Variants in SLC16A1 observed in about 807,000 individuals in gnomAD.
SLC16A1 encodes the protein solute carrier family 16 member 1.
SLC16A1 carries 11 observed loss-of-function variants against 32.2 expected under a neutral mutation model. The observed-to-expected ratio is 0.34, with a 90% CI of 0.21 to 0.56. SLC16A1 has a LOEUF of 0.56. Ranked by LOEUF, SLC16A1 falls within the 20% of genes least tolerant of loss-of-function variation. SLC16A1 has a pLI of 0.87. For synonymous variants in SLC16A1, 231 were observed against 226.8 expected, an observed-to-expected ratio of 1.02 and a Z score of -0.17; for missense variants, 435 against 615.0, an observed-to-expected ratio of 0.71 and a Z score of 3.10.
chr1:112,936,930 T>G (rs1409582554), intron 1 of SLC16A1, among the ~76,000 whole-genome samples: 2 of 152,218 alleles, frequency 1.3e-5, no homozygotes, highest in Non-Finnish European at 2.9e-5. Flanking sequence ...ATTTACAAGT[T>G]AAGGTTTCCT....
intron 1 of SLC16A1, among the ~76,000 whole-genome samples, chr1:112,933,268 G>A (rs1392481967): frequency 6.6e-6 from 1 of 151,988 alleles, no homozygotes; most frequent in Non-Finnish European, 1.5e-5. Context: ...AGGAGTTTGA[G>A]ATCAACCTGG....
At chr1:112,941,937 T>C (rs1649525712) in intron 1 of SLC16A1, among the ~76,000 whole-genome samples, 1 of 152,046 alleles carries the variant, frequency 6.6e-6, no homozygotes, top group Non-Finnish European at 1.5e-5. Context: ...CCAGCCTTTC[T>C]GACACCTCTC....
chr1:112,945,279 G>A (rs1649658857), intron 1 of SLC16A1, among the ~76,000 whole-genome samples: 1 of 151,830 alleles, frequency 6.6e-6, no homozygotes, highest in African/African-American at 2.4e-5. Context: ...ATAGGCATAA[G>A]CCACTGTGCC....
At chr1:112,951,597 A>G (rs1649899850) in intron 1 of SLC16A1, among the ~76,000 whole-genome samples, 1 of 152,210 alleles carries the variant, frequency 6.6e-6, no homozygotes, top group Admixed American at 6.5e-5. Context: ...TATTCTCTAA[A>G]AGCTGTGGGA....
At chr1:112,952,852 T>C (rs574306252) in intron 1 of SLC16A1, among the ~76,000 whole-genome samples, 279 of 152,340 alleles carry the variant, frequency 1.8e-3, no homozygotes, top group African/African-American at 6.5e-3. Context: ...CACACAACTT[T>C]TTAGTGTCCC....
intron 2 of SLC16A1, among the ~76,000 whole-genome samples, chr1:112,926,622 C>A (rs577534106): frequency 6.6e-5 from 10 of 152,110 alleles, no homozygotes; most frequent in Non-Finnish European, 1.2e-4. Flanking sequence ...GCCTGTAATC[C>A]CAGCACTTTG....
At chr1:112,920,329 C>T (rs977784398) in intron 3 of SLC16A1, among the ~76,000 whole-genome samples, 3 of 151,812 alleles carry the variant, frequency 2.0e-5, no homozygotes, top group Admixed American at 1.3e-4. Context: ...AAAAATTGGC[C>T]AGGTGCAGTG....
chr1:112,948,735 T>G (rs1649786857), intron 1 of SLC16A1, among the ~76,000 whole-genome samples: 1 of 152,152 alleles, frequency 6.6e-6, no homozygotes, highest in Non-Finnish European at 1.5e-5. Context: ...ACTCCTGACC[T>G]CAGGTGTTCT....
intron 1 of SLC16A1, among the ~76,000 whole-genome samples, chr1:112,948,424 A>G (rs1307765702): frequency 2.6e-5 from 4 of 152,192 alleles, no homozygotes; most frequent in African/African-American, 9.6e-5. Flanking sequence ...ATCTTAGACT[A>G]TGCTGCCATT....
chr1:112,919,376 A>AT (rs1648636159), intron 3 of SLC16A1, among the ~76,000 whole-genome samples: 1 of 152,190 alleles, frequency 6.6e-6, no homozygotes, highest in Non-Finnish European at 1.5e-5. Flanking sequence ...ATGTCAGTGA[A>AT]TTTTACTTTC....
intron 3 of SLC16A1, among the ~76,000 whole-genome samples, chr1:112,919,424 C>T (rs908764160): frequency 6.6e-6 from 1 of 152,152 alleles, no homozygotes; most frequent in Non-Finnish European, 1.5e-5. Context: ...ACTTACAGAA[C>T]AAATACAGAG....
intron 1 of SLC16A1, among the ~76,000 whole-genome samples, chr1:112,950,355 T>C (rs899680165): frequency 6.6e-6 from 1 of 152,190 alleles, no homozygotes; most frequent in African/African-American, 2.4e-5. Flanking sequence ...ACCACAGCAG[T>C]GTATAGACTT....
intron 1 of SLC16A1, among the ~76,000 whole-genome samples, chr1:112,948,549 G>A (rs1029887601): frequency 6.6e-6 from 1 of 151,758 alleles, no homozygotes; most frequent in Non-Finnish European, 1.5e-5. Context: ...AGTTGCCCAG[G>A]CTGGAGTGCA....
chr1:112,936,399 T>C (rs565129806), intron 1 of SLC16A1, among the ~76,000 whole-genome samples: 2 of 147,336 alleles, frequency 1.4e-5, no homozygotes, highest in Admixed American at 7.2e-5. Context: ...TCCCAGCTAC[T>C]TGGGAGGCTG....
chr1:112,934,670 G>T (rs945323573), intron 1 of SLC16A1, among the ~76,000 whole-genome samples: 2 of 152,048 alleles, frequency 1.3e-5, no homozygotes, highest in Non-Finnish European at 2.9e-5. Context: ...TATCTAGACG[G>T]TTAAAAGAAA....
chr1:112,936,935 T>C (rs921187930), intron 1 of SLC16A1, among the ~76,000 whole-genome samples: 2 of 152,162 alleles, frequency 1.3e-5, no homozygotes, highest in Non-Finnish European at 2.9e-5. Flanking sequence ...CAAGTTAAGG[T>C]TTCCTAAAAT....
intron 1 of SLC16A1, among the ~76,000 whole-genome samples, chr1:112,930,882 C>A (rs1198423027): frequency 6.6e-6 from 1 of 152,104 alleles, no homozygotes; most frequent in Admixed American, 6.6e-5. Flanking sequence ...TCACCTTTGA[C>A]TGATTTTTGT....
At chr1:112,930,641 ATTAC>A (rs1178335497) in intron 1 of SLC16A1, among the ~76,000 whole-genome samples, 1 of 152,152 alleles carries the variant, frequency 6.6e-6, no homozygotes, top group African/African-American at 2.4e-5. Flanking sequence ...AATTCCTTAA[ATTAC>A]TTAGATAACC....
intron 1 of SLC16A1, among the ~76,000 whole-genome samples, chr1:112,948,531 T>TCTTG (rs1329573440): frequency 6.6e-6 from 1 of 152,022 alleles, no homozygotes; most frequent in East Asian, 1.9e-4. Flanking sequence ...TTTGAGACAG[T>TCTTG]CTTGCTCAGT....
Sources: gnomAD v4.1 joint callset for allele counts (sites outside exome capture counted in the v4.1 genomes callset) on GRCh38, gnomAD v4.1.1 for gene constraint, MANE v1.5 for transcripts, NCBI Gene and HGNC (gene_info 2026-07-23, HGNC 2026-07-21) for gene names.